Variants in WDR19 observed in about 807,000 individuals in gnomAD.
The protein encoded by WDR19 is WD repeat domain 19, also known as WD repeat-containing protein 19.
In WDR19, 121 loss-of-function variants were observed where a neutral mutation model predicts 180.0. The ratio of observed to expected loss-of-function variants is 0.67; its 90% CI spans 0.58 to 0.78. The LOEUF is 0.78. Ranked by LOEUF, WDR19 falls within the 30% of genes least tolerant of loss-of-function variation. The probability of loss-of-function intolerance (pLI) is 0.00; values close to 1 mark genes in which losing one functional copy is unlikely to be tolerated. For synonymous variants in WDR19, 497 were observed against 540.7 expected, an observed-to-expected ratio of 0.92 and a Z score of 1.12; for missense variants, 1,450 against 1,640.7, an observed-to-expected ratio of 0.88 and a Z score of 2.01.
intron 31 of WDR19, among the ~76,000 whole-genome samples, chr4:39,272,253 C>A (rs1251306141): frequency 6.6e-6 from 1 of 152,194 alleles, no homozygotes; most frequent in African/African-American, 2.4e-5. Flanking sequence ...AATAGGAATT[C>A]CTATAAGAGG....
chr4:39,255,271 A>AC (rs1733636095), intron 26 of WDR19, among the ~76,000 whole-genome samples: 1 of 152,158 alleles, frequency 6.6e-6, no homozygotes, highest in Admixed American at 6.6e-5. Flanking sequence ...CAAAACACAC[A>AC]CATACTTTTC....
At chr4:39,199,409 C>T in intron 5 of WDR19, 69 bp from the exon 6 acceptor site, 1 of 1,156,328 alleles carries the variant, frequency 8.6e-7, no homozygotes, top group Non-Finnish European at 1.3e-6. Flanking sequence ...TTGCTATATT[C>T]AGATTGGCAT....
intron 29 of WDR19, among the ~76,000 whole-genome samples, chr4:39,266,675 A>G (rs532614404): frequency 6.6e-6 from 1 of 152,270 alleles, no homozygotes; most frequent in Non-Finnish European, 1.5e-5. Flanking sequence ...TGATGTTGCA[A>G]CTATGACCTA....
At chr4:39,234,717 G>A in intron 19 of WDR19, 49 bp from the exon 20 acceptor site, 1 of 1,263,854 alleles carries the variant, frequency 7.9e-7, no homozygotes. Context: ...TGGTAACTTT[G>A]CAAAATAATT....
Position 39,278,679 on chromosome 4 carries a change from C to G in WDR19, c.*13+16C>G, listed in dbSNP as rs1333367329. The stretch of plus-strand genomic sequence containing the variant: ...GCACGTGCAGGTGAGTGGCAGAGCG[C>G]CCACGCACCTTCTGGGCGCAAGGGC... On this transcript the variant is annotated intron_variant, in intron 36 of 36. Transcript: ENST00000399820. 1.3e-6 allele frequency: 2 copies of G among 1,529,776 alleles called. No homozygotes were observed. The highest frequency in any genetic ancestry group is 9.0e-7 in the Non-Finnish European group (1 of 1,113,312). The allele number at this position is 1,529,776 out of a possible 1,614,324, so 94.8% of individuals were successfully genotyped here. A position where few individuals can be genotyped will look rare whatever the true frequency, so the allele number is the denominator to read the frequency against.
At chr4:39,258,674 A>C (rs945362517) in intron 28 of WDR19, among the ~76,000 whole-genome samples, 1 of 152,170 alleles carries the variant, frequency 6.6e-6, no homozygotes, top group Admixed American at 6.5e-5. Context: ...TAGTATTCTA[A>C]ATACAGGTCT....
In WDR19 at chr4:39,227,012, G is replaced by A. The variant is rs149465462; in HGVS notation, c.1630-1198G>A. On this transcript the variant is annotated intron_variant, in intron 15 of 36. Transcript: ENST00000399820. ...ATCGCGATTCTGACTGGTGTGCAATGGTATCTCAATATTATCATTTCAATG... is the reference window on the plus strand; with the variant it reads ...ATCGCGATTCTGACTGGTGTGCAATAGTATCTCAATATTATCATTTCAATG... Among the ~76,000 whole-genome samples, 953 of 151,968 alleles carry A rather than the reference G, an allele frequency of 6.3e-3. 5 individuals carry two copies. Among genetic ancestry groups the A allele is most frequent in the Non-Finnish European group, 9.8e-3 (667 of 67,974 alleles).
chr4:39,280,141 T>TTTTTTTTTTTTTTTA lies in WDR19; in HGVS notation c.*13+1478_*13+1479insTTTTTTTTTTTTTTA, dbSNP rs368949539. Among the ~76,000 whole-genome samples, 12 of 88,378 alleles carry TTTTTTTTTTTTTTTA rather than the reference T, an allele frequency of 1.4e-4. 3 individuals carry two copies. The highest frequency in any genetic ancestry group is 2.2e-4 in the Non-Finnish European group (10 of 45,872). The allele number at this position is 88,378 out of a possible 152,430, so 58.0% of individuals were successfully genotyped here. On this transcript the variant is annotated intron_variant, in intron 36 of 36. Coordinates refer to ENST00000399820, the MANE Select transcript of WDR19 (RefSeq NM_025132.4). Reference sequence around the variant, plus strand: ...CTTGTTTTTTTTTTTTTTTTTTTTTTAATAGAGGCAGGGTCTCGCCACATT... The same window carrying TTTTTTTTTTTTTTTA: ...CTTGTTTTTTTTTTTTTTTTTTTTTTTTTTTTTTTTTTTTAAATAGAGGCAGGGTCTCGCCACATT...
At chr4:39,256,021 T>C in intron 27 of WDR19, 61 bp downstream of exon 27, 5 of 1,197,064 alleles carry the variant, frequency 4.2e-6, no homozygotes, top group Non-Finnish European at 6.1e-6. Context: ...GAAATATACG[T>C]AAATGCCAGG....
At chr4:39,271,548 A>G (rs1475037019) in intron 31 of WDR19, among the ~76,000 whole-genome samples, 1 of 152,184 alleles carries the variant, frequency 6.6e-6, no homozygotes, top group Non-Finnish European at 1.5e-5. Context: ...CAGCCTGGGC[A>G]ACAGAGCGAG....
intron 31 of WDR19, among the ~76,000 whole-genome samples, 153 bp from the exon 32 acceptor site, chr4:39,272,827 G>A (rs1244300272): frequency 6.6e-6 from 1 of 152,206 alleles, no homozygotes; most frequent in Non-Finnish European, 1.5e-5. Context: ...AGAAAAAAGT[G>A]GAGGGATCTC....
At position 39,240,258 on chromosome 4, in the gene WDR19, ACT is replaced by A. The variant is rs1731790680; in HGVS notation, c.2364-16_2364-15del. On this transcript the variant is annotated splice_polypyrimidine_tract_variant and intron_variant, in intron 20 of 36. Transcript: ENST00000399820. ...ATATATATTAAAATTATTAAAATTC[ACT>A]CTTATTTTTTTTTCAGGGGTGATTA... The A allele has an allele frequency of 3.1e-6, 4 of 1,278,398 alleles. No individual in the cohort carries two copies. Among genetic ancestry groups the A allele is most frequent in the African/African-American group, 1.6e-5 (1 of 63,554 alleles). 79.2% of individuals were successfully genotyped at this position (1,278,398 alleles called of 1,614,324 possible).
intron 36 of WDR19, among the ~76,000 whole-genome samples, chr4:39,281,236 T>TATATATAGAGAGAG (rs762298152): frequency 9.4e-4 from 98 of 103,998 alleles, no homozygotes; most frequent in African/African-American, 4.2e-3. Flanking sequence ...TATATATATA[T>TATATATAGAGAGAG]AGAGAGAGAG....
At chr4:39,262,887 C>T (rs16995206) in intron 28 of WDR19, among the ~76,000 whole-genome samples, 51,571 of 151,942 alleles carry the variant, frequency 0.34, 8,915 homozygotes, top group African/African-American at 0.39. Context: ...ATACAAGTTT[C>T]CTTCCCAATC....
At chr4:39,249,765 G>A (rs1329112948) in intron 24 of WDR19, among the ~76,000 whole-genome samples, 14 of 151,998 alleles carry the variant, frequency 9.2e-5, no homozygotes, top group Admixed American at 2.0e-4. Context: ...TAAATTCCTC[G>A]ACACATACAC....
chr4:39,253,604 C>G (rs957166439), intron 25 of WDR19, among the ~76,000 whole-genome samples: 1 of 151,870 alleles, frequency 6.6e-6, no homozygotes, highest in East Asian at 1.9e-4. Context: ...ATGGTGAAAC[C>G]CCATCTCTAC....
Position 39,259,075 on chromosome 4 carries a change from G to GA in WDR19, c.3183+1529dup, listed in dbSNP as rs201064833. Reference sequence around the variant, plus strand: ...AAGAATGAAACTCCATCTCAAAAAAGAAAAAAAACAGAAAAGAAATCTCTG... The same window carrying GA: ...AAGAATGAAACTCCATCTCAAAAAAGAAAAAAAAACAGAAAAGAAATCTCTG... On this transcript the variant is annotated intron_variant, in intron 28 of 36. Transcript: ENST00000399820. Among the ~76,000 whole-genome samples the GA allele has an allele frequency of 5.7e-4, 86 of 151,580 alleles. No individual in the cohort carries two copies. The East Asian group carries it at 0.013, about 23-fold the overall frequency.
rs1174082933 is a variant in WDR19, at chr4:39,285,715, G to C, written c.*242G>C. The C allele has an allele frequency of 6.6e-6, 1 of 152,134 alleles. No individual in the cohort carries two copies. Among genetic ancestry groups the C allele is most frequent in the Non-Finnish European group, 1.5e-5 (1 of 68,034 alleles). The allele number at this position is 152,134 out of a possible 1,614,324, so 9.4% of individuals were successfully genotyped here. ...GTCTTTCTTACACACTCTATCCTCT[G>C]CACTGTTAATAGTAACCTATGACAT... is the stretch of plus-strand genomic sequence containing the variant. On this transcript the variant is annotated 3_prime_UTR_variant, in exon 37 of 37. Transcript: ENST00000399820.
chr4:39,264,383 G>C (rs1734583990), intron 28 of WDR19, among the ~76,000 whole-genome samples: 1 of 152,218 alleles, frequency 6.6e-6, no homozygotes, highest in African/African-American at 2.4e-5. Context: ...GAGCAGAGGT[G>C]ACACAGATTG....
Sources: allele counts gnomAD v4.1 joint callset (sites outside exome capture counted in the v4.1 genomes callset), GRCh38; gene constraint gnomAD v4.1.1; transcripts MANE v1.5; gene names NCBI Gene and HGNC (gene_info 2026-07-23, HGNC 2026-07-21).